Variants in SLMAP observed in about 807,000 individuals in gnomAD.
The protein encoded by SLMAP is sarcolemmal membrane-associated protein.
Under a neutral mutation model 128.8 loss-of-function variants are expected in SLMAP, and 44 were observed. The ratio of observed to expected loss-of-function variants is 0.34; its 90% CI spans 0.27 to 0.44. The LOEUF (loss-of-function observed/expected upper bound fraction) is 0.44, where lower values mean the gene tolerates loss of function less well. SLMAP is among the 20% of genes least tolerant of loss of function. The pLI is 1.00. For missense variants in SLMAP, 787 were observed against 985.3 expected (o/e 0.80, Z 2.69); for synonymous variants, 327 against 348.8 (o/e 0.94, Z 0.70).
chr3:57,799,068 T>TG (rs1404220483), intron 2 of SLMAP, among the ~76,000 whole-genome samples: 1 of 152,190 alleles, frequency 6.6e-6, no homozygotes, highest in Non-Finnish European at 1.5e-5. Flanking sequence ...AGCAGCCCAA[T>TG]GCAGGAGTCC....
At position 57,873,509 on chromosome 3, in the gene SLMAP, A is replaced by G. The variant is rs143642330; in HGVS notation, c.1300+1811A>G. Among the ~76,000 whole-genome samples the G allele has an allele frequency of 2.0e-5, 3 of 152,286 alleles. No homozygotes were observed. In the East Asian group the frequency reaches 5.8e-4, roughly 29 times the overall value. ...CAGAGTGAGACTCCGTCTCAAAAAA[A>G]AATTAAAAAGTAAAAAAATAAATAA... On this transcript the variant is annotated intron_variant, in intron 14 of 24. Transcript: ENST00000671191.
chr3:57,775,173 G>GA (rs1559937985), intron 2 of SLMAP, among the ~76,000 whole-genome samples: 1 of 151,120 alleles, frequency 6.6e-6, no homozygotes, highest in East Asian at 2.0e-4. Flanking sequence ...TCCTGCCTCA[G>GA]CCCCCGAGTA....
chr3:57,906,310 C>CTTTTTTTTTTTTTTTTTT lies in SLMAP; in HGVS notation c.1502-1569_1502-1552dup. Among the ~76,000 whole-genome samples, 238 of 47,020 alleles carry CTTTTTTTTTTTTTTTTTT rather than the reference C, an allele frequency of 5.1e-3. 28 individuals carry two copies. Among genetic ancestry groups the CTTTTTTTTTTTTTTTTTT allele is most frequent in the East Asian group, 0.023 (23 of 1,020 alleles). The allele number at this position is 47,020 out of a possible 152,430, so 30.8% of individuals were successfully genotyped here. On this transcript the variant is annotated intron_variant, in intron 17 of 24. Coordinates refer to ENST00000671191, the MANE Select transcript of SLMAP (RefSeq NM_001377540.1). ...GAATCAAATTTTTTTCTTTTTTTTT[C>CTTTTTTTTTTTTTTTTTT]TTTTTTTTTTTTTTTTTTTTTTAGA...
intron 24 of SLMAP, among the ~76,000 whole-genome samples, chr3:57,926,826 A>G (rs889805588): frequency 6.6e-6 from 1 of 152,220 alleles, no homozygotes; most frequent in Admixed American, 6.5e-5. Context: ...AAGTTGGACG[A>G]CCAAAGCCTA....
At chr3:57,856,339 CTT>C (rs1306288083) in intron 6 of SLMAP, among the ~76,000 whole-genome samples, 1 of 152,170 alleles carries the variant, frequency 6.6e-6, no homozygotes, top group Non-Finnish European at 1.5e-5. Context: ...TGTATTCACA[CTT>C]AGCTTAAAAC....
At chr3:57,840,568 T>G (rs1055617107) in intron 3 of SLMAP, among the ~76,000 whole-genome samples, 1 of 152,190 alleles carries the variant, frequency 6.6e-6, no homozygotes, top group Non-Finnish European at 1.5e-5. Context: ...TCTGTACAAG[T>G]GCTACTTTCA....
chr3:57,764,083 G>A (rs931946123), intron 2 of SLMAP, among the ~76,000 whole-genome samples: 2 of 152,174 alleles, frequency 1.3e-5, no homozygotes, highest in African/African-American at 2.4e-5. Flanking sequence ...AATAAATGAA[G>A]CTGACTAGAT....
intron 17 of SLMAP, among the ~76,000 whole-genome samples, chr3:57,904,928 A>C (rs1358265087): frequency 6.6e-6 from 1 of 152,186 alleles, no homozygotes; most frequent in Non-Finnish European, 1.5e-5. Context: ...TTTGCTGGGC[A>C]TGGTGGCACG....
At chr3:57,916,426 C>CT (rs2096813491) in intron 21 of SLMAP, among the ~76,000 whole-genome samples, 2 of 152,158 alleles carry the variant, frequency 1.3e-5, no homozygotes. Flanking sequence ...ACTTCTTTGT[C>CT]TTATGCTCTT....
At position 57,818,659 on chromosome 3, in the gene SLMAP, T is replaced by G. The variant is rs546226175; in HGVS notation, c.199-12724T>G. On this transcript the variant is annotated intron_variant, in intron 2 of 24. Transcript: ENST00000671191. ...TTTTCTTTGATCTTGCTTTCTCTTG[T>G]TAAAACTTCTGTATATAAGTGATGT... 2.0e-5 allele frequency among the ~76,000 whole-genome samples: 3 copies of G among 152,348 alleles called. No homozygotes were observed. The South Asian group carries it at 6.2e-4, about 32-fold the overall frequency.
At chr3:57,870,907 A>G (rs993061804) in intron 13 of SLMAP, among the ~76,000 whole-genome samples, 2 of 152,254 alleles carry the variant, frequency 1.3e-5, no homozygotes, top group Non-Finnish European at 2.9e-5. Flanking sequence ...TTAAATCACA[A>G]TAAAGATTAT....
At chr3:57,758,839 T>A (rs971438375) in intron 2 of SLMAP, among the ~76,000 whole-genome samples, 3 of 152,234 alleles carry the variant, frequency 2.0e-5, no homozygotes, top group Middle Eastern at 3.2e-3. Context: ...CTCAGGTTTT[T>A]AGCTGAGCTA....
chr3:57,771,284 G>C (rs1213162639), intron 2 of SLMAP, among the ~76,000 whole-genome samples: 1 of 151,956 alleles, frequency 6.6e-6, no homozygotes, highest in Non-Finnish European at 1.5e-5. Flanking sequence ...GAGTGCAATG[G>C]TGGATCACAG....
Position 57,806,368 on chromosome 3 carries a change from G to C in SLMAP, c.199-25015G>C, listed in dbSNP as rs2089858965. Among the ~76,000 whole-genome samples, 6 of 152,230 alleles carry C rather than the reference G, an allele frequency of 3.9e-5. 1 individual carries two copies. In the South Asian group the frequency reaches 1.2e-3, roughly 32 times the overall value. On this transcript the variant is annotated intron_variant, in intron 2 of 24. Coordinates refer to ENST00000671191, the MANE Select transcript of SLMAP (RefSeq NM_001377540.1). The stretch of plus-strand genomic sequence containing the variant: ...GGCTTCCAGCTTCACCCATGTCCCT[G>C]CAGAGGATATGATCTCATTCCTTTT...
chr3:57,853,107 T>TA (rs2094566875), intron 6 of SLMAP, among the ~76,000 whole-genome samples: 1 of 152,200 alleles, frequency 6.6e-6, no homozygotes, highest in Non-Finnish European at 1.5e-5. Flanking sequence ...CTAGTGGAAG[T>TA]AGATTCTAAA....
At chr3:57,760,543 C>T (rs1312105632) in intron 2 of SLMAP, among the ~76,000 whole-genome samples, 1 of 152,040 alleles carries the variant, frequency 6.6e-6, no homozygotes, top group Non-Finnish European at 1.5e-5. Flanking sequence ...GGATACAGTT[C>T]CAAAGAAAAC....
In SLMAP at chr3:57,783,793, G is replaced by A. The variant is rs72874897; in HGVS notation, c.198+25944G>A. 6.9e-3 allele frequency among the ~76,000 whole-genome samples: 1,043 copies of A among 152,246 alleles called. 13 individuals are homozygous for A. The highest frequency in any genetic ancestry group is 0.023 in the African/African-American group (972 of 41,530). ...TCTTCAAGGCTATCCCTGTCATCAC[G>A]GGTGCAGACCTCTAGGAAGACAGAA... On this transcript the variant is annotated intron_variant, in intron 2 of 24. Coordinates refer to ENST00000671191, the MANE Select transcript of SLMAP (RefSeq NM_001377540.1).
chr3:57,810,583 G>A (rs886948799), intron 2 of SLMAP, among the ~76,000 whole-genome samples: 2 of 151,944 alleles, frequency 1.3e-5, no homozygotes, highest in Non-Finnish European at 2.9e-5. Flanking sequence ...CTATATATGC[G>A]GCCTCTCATT....
At chr3:57,875,765 G>A (rs1281876505) in intron 14 of SLMAP, among the ~76,000 whole-genome samples, 1 of 152,156 alleles carries the variant, frequency 6.6e-6, no homozygotes, top group East Asian at 1.9e-4. Context: ...AACCAGAGTT[G>A]GGAAAGTGAG....
Sources: gnomAD v4.1 joint callset for allele counts (sites outside exome capture counted in the v4.1 genomes callset) on GRCh38, gnomAD v4.1.1 for gene constraint, MANE v1.5 for transcripts, NCBI Gene and HGNC (gene_info 2026-07-23, HGNC 2026-07-21) for gene names.